Variants in EAF2 observed in about 807,000 individuals in gnomAD.
The protein encoded by EAF2 is ELL associated factor 2, also known as ELL-associated factor 2.
EAF2 carries 29 observed loss-of-function variants against 29.4 expected under a neutral mutation model. The ratio of observed to expected loss-of-function variants is 0.99; its 90% CI spans 0.73 to 1.35. EAF2 has a LOEUF of 1.35. Ranked by LOEUF, EAF2 falls within the 40% of genes most tolerant of loss-of-function variation. The probability of loss-of-function intolerance (pLI) is 0.00; values close to 1 mark genes in which losing one functional copy is unlikely to be tolerated. For synonymous variants in EAF2, 103 were observed against 102.5 expected (o/e 1.00, Z -0.03); for missense variants, 292 against 312.0 (o/e 0.94, Z 0.48).
intron 1 of EAF2, among the ~76,000 whole-genome samples, chr3:121,843,738 A>G (rs902278614): frequency 3.9e-5 from 6 of 152,106 alleles, no homozygotes; most frequent in Admixed American, 3.3e-4. Context: ...ATAGATTTTA[A>G]TGGCATCGTT....
intron 3 of EAF2, among the ~76,000 whole-genome samples, chr3:121,856,376 G>A (rs958267214): frequency 1.3e-5 from 2 of 149,210 alleles, no homozygotes; most frequent in African/African-American, 2.5e-5. Flanking sequence ...GGAGGGTCTC[G>A]TTATATTGCC....
intron 2 of EAF2, among the ~76,000 whole-genome samples, chr3:121,845,131 T>G (rs1039628241): frequency 1.3e-5 from 2 of 152,002 alleles, no homozygotes; most frequent in African/African-American, 4.8e-5. Flanking sequence ...TGACTTTACG[T>G]AGTAAATCAT....
chr3:121,849,125 T>C (rs1708583459), intron 2 of EAF2, among the ~76,000 whole-genome samples: 1 of 152,202 alleles, frequency 6.6e-6, no homozygotes, highest in Non-Finnish European at 1.5e-5. Flanking sequence ...TAATGGTTAT[T>C]AGTTTGAGGC....
chr3:121,860,162 T>C (rs983874561), intron 4 of EAF2, among the ~76,000 whole-genome samples: 3 of 152,250 alleles, frequency 2.0e-5, no homozygotes, highest in African/African-American at 7.2e-5. Context: ...CAGGCTTTCA[T>C]ATCAGGATGA....
In EAF2 at chr3:121,869,077, C is replaced by G. The variant is rs575031315; in HGVS notation, c.485-3460C>G. Among the ~76,000 whole-genome samples the G allele has an allele frequency of 3.9e-5, 6 of 152,268 alleles. No homozygotes were observed. The East Asian group carries it at 1.2e-3, about 29-fold the overall frequency. ...CAATAACAGACAACAGGAGATATCT[C>G]TAAACACTTGAAAATTAAACACATT... is the stretch of plus-strand genomic sequence containing the variant. On this transcript the variant is annotated intron_variant, in intron 4 of 5. Transcript: ENST00000273668.
At chr3:121,846,582 T>C (rs1428062932) in intron 2 of EAF2, among the ~76,000 whole-genome samples, 2 of 152,176 alleles carry the variant, frequency 1.3e-5, no homozygotes, top group Admixed American at 6.5e-5. Context: ...CACTCCAGCC[T>C]GGGCAACAAG....
Position 121,879,356 on chromosome 3 carries a change from G to T in EAF2, c.736+6568G>T, listed in dbSNP as rs149553890. On this transcript the variant is annotated intron_variant, in intron 5 of 5. Coordinates refer to ENST00000273668, the MANE Select transcript of EAF2 (RefSeq NM_018456.6). ...AGATTGTCTCTTTACTCCATTGATT[G>T]TTTCTTTTGTTGTGCAGAAGCTTTT... is the stretch of plus-strand genomic sequence containing the variant. 5.5e-3 allele frequency among the ~76,000 whole-genome samples: 835 copies of T among 152,002 alleles called. 16 individuals are homozygous for T. Among genetic ancestry groups the T allele is most frequent in the African/African-American group, 0.019 (802 of 41,484 alleles).
chr3:121,872,288 A>T (rs1452932049), intron 4 of EAF2, among the ~76,000 whole-genome samples: 2 of 152,070 alleles, frequency 1.3e-5, no homozygotes, highest in East Asian at 3.9e-4. Flanking sequence ...ATACTTAAGT[A>T]CAATGGTTTA....
chr3:121,849,886 T>C (rs1469283695), intron 2 of EAF2, among the ~76,000 whole-genome samples: 1 of 150,660 alleles, frequency 6.6e-6, no homozygotes, highest in Non-Finnish European at 1.5e-5. Flanking sequence ...TTTTGTCCTA[T>C]TTTTGTGTTT....
At chr3:121,838,051 C>G (rs1179234910) in intron 1 of EAF2, among the ~76,000 whole-genome samples, 1 of 152,084 alleles carries the variant, frequency 6.6e-6, no homozygotes, top group South Asian at 2.1e-4. Flanking sequence ...ATTCAAATCC[C>G]GGAAAATAAA....
chr3:121,837,592 A>G (rs1393770361), intron 1 of EAF2: 1 of 152,196 alleles, frequency 6.6e-6, no homozygotes, highest in Non-Finnish European at 1.5e-5. Context: ...GGTTTGTGTA[A>G]GGATTAAATA....
At chr3:121,869,414 A>C (rs1170949033) in intron 4 of EAF2, among the ~76,000 whole-genome samples, 1 of 152,206 alleles carries the variant, frequency 6.6e-6, no homozygotes, top group Non-Finnish European at 1.5e-5. Flanking sequence ...TTAATGAAAC[A>C]AAAAGGCAGT....
chr3:121,862,858 C>T (rs552546926), intron 4 of EAF2, among the ~76,000 whole-genome samples: 116 of 152,216 alleles, frequency 7.6e-4, no homozygotes, highest in Non-Finnish European at 1.0e-3. Context: ...ATAATGGTGA[C>T]GTACAGATGG....
intron 5 of EAF2, 144 bp downstream of exon 5, chr3:121,872,932 G>T (rs979268254): frequency 2.4e-6 from 3 of 1,271,402 alleles, no homozygotes; most frequent in East Asian, 2.5e-5. Flanking sequence ...ATTGAATTAT[G>T]GTTTTCTTTT....
rs573702058 is a variant in EAF2 at position 121,840,026 on chromosome 3, C to G, written c.107-4427C>G. Among the ~76,000 whole-genome samples, 22 of 137,156 alleles carry G rather than the reference C, an allele frequency of 1.6e-4. No homozygotes were observed. In the South Asian group the frequency reaches 4.9e-3, roughly 30 times the overall value. The allele number at this position is 137,156 out of a possible 152,430, so 90.0% of individuals were successfully genotyped here. A position where few individuals can be genotyped will look rare whatever the true frequency, so the allele number is the denominator to read the frequency against. On this transcript the variant is annotated intron_variant, in intron 1 of 5. Coordinates refer to ENST00000273668, the MANE Select transcript of EAF2 (RefSeq NM_018456.6). ...TGTTCAAGATGGTGAAACCTTGTCT[C>G]TACTGAAAATACAAAAATTAGCGGT... is the stretch of plus-strand genomic sequence containing the variant.
chr3:121,884,340 C>CAAA (rs1192870196), intron 5 of EAF2, among the ~76,000 whole-genome samples: 5 of 84,128 alleles, frequency 5.9e-5, no homozygotes, highest in African/African-American at 1.3e-4. Context: ...AACTCCATCT[C>CAAA]AAAAAAAAAA....
At chr3:121,872,832 T>C (rs1709040245) in intron 5 of EAF2, 44 bp downstream of exon 5, 1 of 1,577,786 alleles carries the variant, frequency 6.3e-7, no homozygotes, top group Non-Finnish European at 8.6e-7. Flanking sequence ...TAAGAATTTA[T>C]AGTGGAGCCA....
At position 121,835,316 on chromosome 3, in the gene EAF2, G is replaced by T; in HGVS notation, c.31G>T (p.Asp11Tyr). 6.2e-7 allele frequency: 1 copy of T among 1,614,240 alleles called. No individual in the cohort carries two copies. The highest frequency in any genetic ancestry group is 1.1e-5 in the South Asian group (1 of 91,090). The change falls in exon 1 of 6, where the codon GAC becomes TAC. Residue 11 changes from aspartate to tyrosine, a missense_variant. Asp to Tyr is a radical substitution (Grantham distance 160, BLOSUM62 -3). Transcript: ENST00000273668. The part of the protein sequence containing the change: MNSAAGFSHL[D>Y]RRERVLKLGE... Reference sequence around the variant, plus strand: ...TAGCGCAGCGGGATTCTCACACCTAGACCGTCGCGAGCGGGTTCTCAAGTT... The same window carrying T: ...TAGCGCAGCGGGATTCTCACACCTATACCGTCGCGAGCGGGTTCTCAAGTT...
intron 4 of EAF2, among the ~76,000 whole-genome samples, chr3:121,866,239 T>A (rs2107531961): frequency 6.6e-6 from 1 of 152,228 alleles, no homozygotes; most frequent in African/African-American, 2.4e-5. Context: ...TGCTGGAGAT[T>A]TAGTTGAGAA....
Sources: gnomAD v4.1 joint callset for allele counts (sites outside exome capture counted in the v4.1 genomes callset) on GRCh38, gnomAD v4.1.1 for gene constraint, MANE v1.5 for transcripts, NCBI Gene and HGNC (gene_info 2026-07-23, HGNC 2026-07-21) for gene names.